Variants in OSBPL3 observed in about 807,000 individuals in gnomAD.
The protein encoded by OSBPL3 is oxysterol-binding protein-related protein 3.
In OSBPL3, 65 loss-of-function variants were observed where a neutral mutation model predicts 120.1. The ratio of observed to expected loss-of-function variants is 0.54; its 90% confidence interval spans 0.44 to 0.67. The LOEUF (loss-of-function observed/expected upper bound fraction) is 0.67, where lower values mean the gene tolerates loss of function less well. OSBPL3 is among the 30% of genes least tolerant of loss of function. OSBPL3 has a pLI of 0.00. For missense variants in OSBPL3, 1,004 were observed against 1,082.1 expected (o/e 0.93, Z 1.01); for synonymous variants, 416 against 402.6 (o/e 1.03, Z -0.40).
intron 2 of OSBPL3, among the ~76,000 whole-genome samples, chr7:24,875,516 C>G (rs1802722997): frequency 1.3e-5 from 2 of 152,148 alleles, no homozygotes; most frequent in Non-Finnish European, 2.9e-5. Flanking sequence ...ATGATGCTGA[C>G]ATTTTCAAAA....
rs1187564431 is a variant in OSBPL3 at position 24,849,945 on chromosome 7, C to T, written c.1159-769G>A. Among the ~76,000 whole-genome samples, 7 of 115,528 alleles carry T rather than the reference C, an allele frequency of 6.1e-5. No individual in the cohort carries two copies. Among genetic ancestry groups the T allele is most frequent in the Non-Finnish European group, 1.1e-4 (6 of 54,542 alleles). 75.8% of individuals were successfully genotyped at this position (115,528 alleles called of 152,430 possible). On this transcript the variant is annotated intron_variant, in intron 11 of 22. Coordinates refer to ENST00000313367, the MANE Select transcript of OSBPL3 (RefSeq NM_015550.4). The surrounding 1 kb of genome is among the most constrained non-coding windows in gnomAD (Gnocchi z 5.4). ...TGGGTGAGAGTGAGACCCTGTCTCA[C>T]GAAAAAAAAAAAAAGAAATAAAGAA...
In OSBPL3 at chr7:24,798,547, A is replaced by G. The variant is rs1791956298; in HGVS notation, c.*1636T>C. 1 of 152,226 alleles carries G rather than the reference A, an allele frequency of 6.6e-6. No individual in the cohort carries two copies. 9.4% of individuals were successfully genotyped at this position (152,226 alleles called of 1,614,324 possible). ...TCATCTTGGCATCTCGATAAAATGA[A>G]TCCAATATTTAATGAGTTGTTTTAA... is the stretch of plus-strand genomic sequence containing the variant. On this transcript the variant is annotated 3_prime_UTR_variant, in exon 23 of 23. Coordinates refer to ENST00000313367, the MANE Select transcript of OSBPL3 (RefSeq NM_015550.4). This position sits in a 1 kb window ranked among gnomAD's most constrained non-coding sequence, Gnocchi z 4.6.
intron 1 of OSBPL3, among the ~76,000 whole-genome samples, chr7:24,962,552 T>G (rs1815911665): frequency 6.6e-6 from 1 of 151,880 alleles, no homozygotes; most frequent in South Asian, 2.1e-4. Context: ...AGTAGCTGGT[T>G]CAGGATTAGG....
chr7:24,895,071 G>T (rs1290854553), intron 1 of OSBPL3, among the ~76,000 whole-genome samples: 1 of 152,094 alleles, frequency 6.6e-6, no homozygotes, highest in Admixed American at 6.5e-5. Context: ...ATTGTTGCCC[G>T]GGGAAATATA....
In OSBPL3 at chr7:24,830,813, A is replaced by G. The variant is rs751109359; in HGVS notation, c.1839T>C (p.Tyr613=). The part of the protein sequence containing the change: ...KPFNPVLGET[Y]ECIREDKGFQ... ...AGCCCTTGTCCTCCCGAATACATTC[A>G]TATGTTTCTCCAAGAACCGGATTAA... The change falls in exon 16 of 23, where the codon TAT becomes TAC. Residue 613 remains tyrosine (Y), a synonymous_variant. Coordinates refer to ENST00000313367, the MANE Select transcript of OSBPL3 (RefSeq NM_015550.4). The surrounding 1 kb of genome is among the most constrained non-coding windows in gnomAD (Gnocchi z 4.4). 5 of 1,614,048 alleles carry G rather than the reference A, an allele frequency of 3.1e-6. No individual in the cohort carries two copies. Among genetic ancestry groups the G allele is most frequent in the Non-Finnish European group, 4.2e-6 (5 of 1,180,022 alleles).
At chr7:24,866,326 C>A in intron 5 of OSBPL3, 89 bp from the exon 6 acceptor site, 2 of 999,552 alleles carry the variant, frequency 2.0e-6, no homozygotes, top group East Asian at 2.4e-5. Flanking sequence ...CTCTCAAAAT[C>A]CTCTTTTTCA....
At position 24,871,883 on chromosome 7, in the gene OSBPL3, G is replaced by T; in HGVS notation, c.213+70C>A. The T allele has an allele frequency of 6.8e-7, 1 of 1,460,370 alleles. No homozygotes were observed. The highest frequency in any genetic ancestry group is 9.6e-7 in the Non-Finnish European group (1 of 1,040,588). The allele number at this position is 1,460,370 out of a possible 1,614,324, so 90.5% of individuals were successfully genotyped here. A position where few individuals can be genotyped will look rare whatever the true frequency, so the allele number is the denominator to read the frequency against. ...AATTCCAACTAGAAATTAAATATGAGTACCTAAGAACCAGGTGCTGAGTGG... is the reference window on the plus strand; with the variant it reads ...AATTCCAACTAGAAATTAAATATGATTACCTAAGAACCAGGTGCTGAGTGG... On this transcript the variant is annotated intron_variant, in intron 3 of 22. Transcript: ENST00000313367. The surrounding 1 kb of genome is among the most constrained non-coding windows in gnomAD (Gnocchi z 4.8).
chr7:24,832,520 A>C (rs1054819651), intron 15 of OSBPL3, among the ~76,000 whole-genome samples: 1 of 151,068 alleles, frequency 6.6e-6, no homozygotes, highest in Non-Finnish European at 1.5e-5. Flanking sequence ...AAAGAAAAAA[A>C]AAAAAAAAAA....
intron 1 of OSBPL3, among the ~76,000 whole-genome samples, chr7:24,949,554 A>G (rs1350780456): frequency 6.6e-6 from 1 of 152,034 alleles, no homozygotes; most frequent in African/African-American, 2.4e-5. Flanking sequence ...TATTCCCTCC[A>G]CCCACCTCTG....
chr7:24,871,990 A>G lies in OSBPL3; in HGVS notation c.176T>C (p.Leu59Pro), dbSNP rs1802186410. 6.2e-7 allele frequency: 1 copy of G among 1,614,054 alleles called. No individual in the cohort carries two copies. The highest frequency in any genetic ancestry group is 1.1e-5 in the South Asian group (1 of 91,070). ...TTTTAAGGGCCACTTCCTCTTTTTC[A>G]GCAAAAATCCTTTCTGAACTGGTGG... ...QEPPVQKGFLLKKRKWPLKGW... is the reference protein window; with the variant it reads ...QEPPVQKGFLPKKRKWPLKGW... Residue 59 changes from leucine (L) to proline (P), a missense_variant, in exon 3 of 23, where the codon CTG becomes CCG. By Grantham distance (98) the Leu-to-Pro change is moderately conservative. This residue lies in a region of OSBPL3 where 255 missense variants were observed against 248.7 expected (regional missense o/e 1.03). Transcript: ENST00000313367. This position sits in a 1 kb window ranked among gnomAD's most constrained non-coding sequence, Gnocchi z 4.8.
At chr7:24,915,746 G>A (rs780106299) in intron 1 of OSBPL3, among the ~76,000 whole-genome samples, 2 of 151,974 alleles carry the variant, frequency 1.3e-5, no homozygotes, top group African/African-American at 2.4e-5. Flanking sequence ...GCTGATTTTT[G>A]TATTTTTAGT....
At position 24,891,434 on chromosome 7, in the gene OSBPL3, G is replaced by A. The variant is rs1379512694; in HGVS notation, c.96+943C>T. Among the ~76,000 whole-genome samples the A allele has an allele frequency of 2.6e-5, 4 of 152,192 alleles. No individual in the cohort carries two copies. Among genetic ancestry groups the A allele is most frequent in the Non-Finnish European group, 5.9e-5 (4 of 68,030 alleles). On this transcript the variant is annotated intron_variant, in intron 2 of 22. Transcript: ENST00000313367. This position sits in a 1 kb window ranked among gnomAD's most constrained non-coding sequence, Gnocchi z 4.1. ...TCATAAACGTGTAGACGTGACTGAG[G>A]TGGGAGTTGCTTAATTGCTGCTTCC...
At chr7:24,929,778 AC>A (rs1388473366) in intron 1 of OSBPL3, among the ~76,000 whole-genome samples, 3 of 152,144 alleles carry the variant, frequency 2.0e-5, no homozygotes, top group Admixed American at 2.0e-4. Flanking sequence ...TTTTTAAAAA[AC>A]GTTTCTGATT....
chr7:24,809,909 CTG>C lies in OSBPL3; in HGVS notation c.2213_2214del (p.Thr738SerfsTer3). Reference protein sequence around the residue: ...WSTNAHEIEGTVFDRSGKAVH... With the variant: ...WSTNAHEIEGXVFDRSGKAVH... Reference sequence around the variant, plus strand: ...ACCGCTTTTCCACTCCTGTCAAACACTGTGCCTTCAATCTCATGGGCATTAGT... The same window carrying C: ...ACCGCTTTTCCACTCCTGTCAAACACTGCCTTCAATCTCATGGGCATTAGT... On this transcript the variant is annotated frameshift_variant, in exon 20 of 23. Coordinates refer to ENST00000313367, the MANE Select transcript of OSBPL3 (RefSeq NM_015550.4). LOFTEE classifies it high-confidence loss of function. The C allele has an allele frequency of 6.2e-7, 1 of 1,614,190 alleles. No individual in the cohort carries two copies. Among genetic ancestry groups the C allele is most frequent in the African/African-American group, 1.3e-5 (1 of 75,054 alleles).
rs1584293079 is a variant in OSBPL3, at chr7:24,833,394, G to A, written c.1746+1092C>T. ...AAGAGAAAGTCTCTTTGATGGGGAG[G>A]CCCTGGAGACTGGGCAGAATGACTA... On this transcript the variant is annotated intron_variant, in intron 15 of 22. Coordinates refer to ENST00000313367, the MANE Select transcript of OSBPL3 (RefSeq NM_015550.4). The surrounding 1 kb of genome is among the most constrained non-coding windows in gnomAD (Gnocchi z 4.4). Among the ~76,000 whole-genome samples the A allele has an allele frequency of 6.6e-6, 1 of 152,206 alleles. No individual in the cohort carries two copies. The highest frequency in any genetic ancestry group is 1.9e-4 in the East Asian group (1 of 5,190).
At chr7:24,848,441 T>C (rs1440699264) in intron 12 of OSBPL3, among the ~76,000 whole-genome samples, 1 of 152,220 alleles carries the variant, frequency 6.6e-6, no homozygotes, top group Non-Finnish European at 1.5e-5. Flanking sequence ...ATTTTTTGAG[T>C]AACCTACTTG....
At position 24,863,724 on chromosome 7, in the gene OSBPL3, T is replaced by G. The variant is rs1800919088; in HGVS notation, c.674-125A>C. ...GATTTTTTTTTTCATCTGTAAGGGT[T>G]GGAAATTTTACTTCCTTTTTTACAG... On this transcript the variant is annotated intron_variant, in intron 7 of 22. Transcript: ENST00000313367. This position sits in a 1 kb window ranked among gnomAD's most constrained non-coding sequence, Gnocchi z 5.8. 1 of 647,850 alleles carries G rather than the reference T, an allele frequency of 1.5e-6. No homozygotes were observed. The allele number at this position is 647,850 out of a possible 1,614,324, so 40.1% of individuals were successfully genotyped here. A position where few individuals can be genotyped will look rare whatever the true frequency, so the allele number is the denominator to read the frequency against.
Position 24,930,944 on chromosome 7 carries a change from A to T in OSBPL3, c.-149-38323T>A, listed in dbSNP as rs1811714989. On this transcript the variant is annotated intron_variant, in intron 1 of 22. Transcript: ENST00000313367. The surrounding 1 kb of genome is among the most constrained non-coding windows in gnomAD (Gnocchi z 4.4). ...GTGAAGATGACTTTTTTAATTCCAA[A>T]AATTATTTAACATTCTCACAGGAAG... Among the ~76,000 whole-genome samples the T allele has an allele frequency of 6.6e-6, 1 of 152,184 alleles. No homozygotes were observed. The highest frequency in any genetic ancestry group is 1.5e-5 in the Non-Finnish European group (1 of 68,032).
chr7:24,816,973 A>G (rs1200707038), intron 17 of OSBPL3, among the ~76,000 whole-genome samples: 3 of 152,214 alleles, frequency 2.0e-5, no homozygotes, highest in Admixed American at 1.3e-4. Flanking sequence ...TGAGTGTGTT[A>G]TAAGGTAAAA....
Sources: allele counts gnomAD v4.1 joint callset (sites outside exome capture counted in the v4.1 genomes callset), GRCh38; gene constraint gnomAD v4.1.1; regional missense constraint gnomAD v4.1.1; non-coding constraint Gnocchi (gnomAD v3.1); transcripts MANE v1.5; gene names NCBI Gene and HGNC (gene_info 2026-07-23, HGNC 2026-07-21).